UBA2: variants seen among roughly 807,000 people sequenced by gnomAD.
UBA2 encodes the protein ubiquitin like modifier activating enzyme 2, also known as SUMO-activating enzyme subunit 2.
In UBA2, 11 loss-of-function variants were observed where a neutral mutation model predicts 77.2. That is an observed-to-expected ratio of 0.14 (90% CI 0.09 to 0.24). UBA2 has a LOEUF of 0.24. Ranked by LOEUF, UBA2 falls within the 10% of genes least tolerant of loss-of-function variation. The pLI, the probability that UBA2 is intolerant of heterozygous loss-of-function variation, is 1.00. For synonymous variants in UBA2, 278 were observed against 276.7 expected, an observed-to-expected ratio of 1.00 and a Z score of -0.05; for missense variants, 487 against 781.7, an observed-to-expected ratio of 0.62 and a Z score of 4.50.
intron 4 of UBA2, 59 bp downstream of exon 4, chr19:34,433,471 G>A (rs2075277284): frequency 1.7e-6 from 2 of 1,175,608 alleles, no homozygotes; most frequent in Non-Finnish European, 2.5e-6. Flanking sequence ...TATCAAATTT[G>A]TTTACAAATT....
chr19:34,466,067 G>A (rs915998219), intron 15 of UBA2, among the ~76,000 whole-genome samples: 10 of 152,042 alleles, frequency 6.6e-5, no homozygotes, highest in African/African-American at 1.5e-4. Flanking sequence ...CAGGCGTGAC[G>A]GCTCACACCT....
At chr19:34,444,030 TGTG>T in intron 7 of UBA2, 119 bp downstream of exon 7, 15 of 361,980 alleles carry the variant, frequency 4.1e-5, no homozygotes, top group Non-Finnish European at 7.1e-5. Flanking sequence ...GTGTTTAACA[TGTG>T]TTTTTTTTTT....
chr19:34,461,918 A>T (rs2075635506), intron 14 of UBA2, among the ~76,000 whole-genome samples: 1 of 152,154 alleles, frequency 6.6e-6, no homozygotes, highest in African/African-American at 2.4e-5. Context: ...TCAGTTTTTG[A>T]AGTAGTAGTG....
At chr19:34,445,228 C>G (rs1409896204) in intron 8 of UBA2, 107 bp downstream of exon 8, 2 of 1,161,534 alleles carry the variant, frequency 1.7e-6, no homozygotes, top group Non-Finnish European at 2.4e-6. Context: ...AATTAAGCTT[C>G]TATGTATATG....
intron 5 of UBA2, among the ~76,000 whole-genome samples, chr19:34,438,040 G>A (rs2075328567): frequency 2.0e-5 from 3 of 152,126 alleles, no homozygotes; most frequent in Admixed American, 2.0e-4. Flanking sequence ...GACAGAGCAA[G>A]ACTCCGTCTC....
chr19:34,450,380 T>C lies in UBA2; in HGVS notation c.871+16T>C. ...CAAAGTCAAGGTAAAGAATACATTT[T>C]AGTCTTGGAACACCTAAGCTGGAAA... On this transcript the variant is annotated intron_variant, in intron 9 of 16. Transcript: ENST00000246548. 1 of 1,563,226 alleles carries C rather than the reference T, an allele frequency of 6.4e-7. No homozygotes were observed. Among genetic ancestry groups the C allele is most frequent in the South Asian group, 1.2e-5 (1 of 85,208 alleles).
At chr19:34,436,407 C>T (rs1412606560) in intron 5 of UBA2, among the ~76,000 whole-genome samples, 4 of 152,128 alleles carry the variant, frequency 2.6e-5, no homozygotes, top group Admixed American at 6.5e-5. Context: ...TCAAGCGATT[C>T]TCCTGCCTCA....
chr19:34,430,517 T>C (rs990455919), intron 1 of UBA2, 59 bp from the exon 2 acceptor site: 6 of 1,318,254 alleles, frequency 4.6e-6, no homozygotes, highest in Non-Finnish European at 6.5e-6. Flanking sequence ...CTGAGAGTAG[T>C]GATACAGCTC....
rs1198308067 is a variant in UBA2 at position 34,460,957 on chromosome 19, AT to A, written c.1498+393del. Among the ~76,000 whole-genome samples the A allele has an allele frequency of 4.6e-5, 7 of 152,344 alleles. No individual in the cohort carries two copies. In the East Asian group the frequency reaches 1.2e-3, roughly 25 times the overall value. Reference sequence around the variant, plus strand: ...GTTCCTACTATATAGCAGAAAGATTATTGAAATTCAGTGCCCGGTTTTGGCT... The same window carrying A: ...GTTCCTACTATATAGCAGAAAGATTATGAAATTCAGTGCCCGGTTTTGGCT... On this transcript the variant is annotated intron_variant, in intron 14 of 16. Transcript: ENST00000246548.
At chr19:34,452,180 A>T in intron 10 of UBA2, 33 bp downstream of exon 10, 2 of 1,513,274 alleles carry the variant, frequency 1.3e-6, no homozygotes, top group Non-Finnish European at 1.8e-6. Context: ...AAGTACTTAC[A>T]TGTCAAAAGT....
At chr19:34,452,756 T>TG (rs1411475072) in intron 10 of UBA2, among the ~76,000 whole-genome samples, 2 of 152,224 alleles carry the variant, frequency 1.3e-5, no homozygotes, top group African/African-American at 4.8e-5. Flanking sequence ...CCTGTGGTGT[T>TG]GAAGATTAGT....
chr19:34,458,417 G>C (rs953712689), intron 12 of UBA2, among the ~76,000 whole-genome samples: 1 of 151,656 alleles, frequency 6.6e-6, no homozygotes, highest in Non-Finnish European at 1.5e-5. Flanking sequence ...AAAATTAGCC[G>C]GGCGAGGTGG....
At chr19:34,437,094 G>T (rs969589118) in intron 5 of UBA2, among the ~76,000 whole-genome samples, 53 of 152,102 alleles carry the variant, frequency 3.5e-4, no homozygotes, top group African/African-American at 1.3e-3. Context: ...AACAGTATTT[G>T]AGAGTTTTGA....
chr19:34,440,925 C>CAAAA (rs569153016), intron 6 of UBA2, among the ~76,000 whole-genome samples: 5 of 64,450 alleles, frequency 7.8e-5, no homozygotes, highest in African/African-American at 2.6e-4. Flanking sequence ...GACTCCATCT[C>CAAAA]AAAAAAAAAA....
intron 14 of UBA2, among the ~76,000 whole-genome samples, chr19:34,463,368 A>G (rs1429614780): frequency 6.6e-6 from 1 of 152,212 alleles, no homozygotes; most frequent in Non-Finnish European, 1.5e-5. Flanking sequence ...TAGGGCCTCC[A>G]TAACAAATAC....
intron 1 of UBA2, 156 bp downstream of exon 1, chr19:34,428,726 C>A (rs971100634): frequency 4.9e-5 from 57 of 1,154,396 alleles, no homozygotes; most frequent in East Asian, 9.7e-5. Flanking sequence ...TTGTGCCCCC[C>A]CCGCGGGAGG....
chr19:34,457,145 G>A (rs1209023189), intron 12 of UBA2, among the ~76,000 whole-genome samples: 3 of 115,626 alleles, frequency 2.6e-5, no homozygotes, highest in Admixed American at 1.0e-4. Context: ...CCTGACTAAC[G>A]TGGAGAAACC....
intron 5 of UBA2, among the ~76,000 whole-genome samples, chr19:34,436,526 T>C (rs2075310759): frequency 6.6e-6 from 1 of 152,194 alleles, no homozygotes; most frequent in Admixed American, 6.5e-5. Context: ...CTTCAACTCC[T>C]GACCTCAGGT....
chr19:34,462,195 A>AG (rs1357353232), intron 14 of UBA2, among the ~76,000 whole-genome samples: 1 of 152,202 alleles, frequency 6.6e-6, no homozygotes, highest in Non-Finnish European at 1.5e-5. Flanking sequence ...GGGTTTAAAC[A>AG]GGGGAGTAGC....
Sources: gnomAD v4.1 joint callset for allele counts (sites outside exome capture counted in the v4.1 genomes callset) on GRCh38, gnomAD v4.1.1 for gene constraint, MANE v1.5 for transcripts, NCBI Gene and HGNC (gene_info 2026-07-23, HGNC 2026-07-21) for gene names.